The following SMC6 variants were observed in gnomAD, a reference collection of about 807,000 sequenced individuals.
The protein encoded by SMC6 is structural maintenance of chromosomes 6.
A neutral mutation model predicts 142.2 loss-of-function variants in SMC6; 79 were observed. That is an observed-to-expected ratio of 0.56 (90% CI 0.46 to 0.67). SMC6 has a LOEUF of 0.67. Among genes scored for constraint, SMC6 ranks in the 30% least tolerant of loss-of-function variants. The probability of loss-of-function intolerance (pLI) is 0.00; values close to 1 mark genes in which losing one functional copy is unlikely to be tolerated. For missense variants in SMC6, 1,072 were observed against 1,284.0 expected, an observed-to-expected ratio of 0.83 and a Z score of 2.52; for synonymous variants, 411 against 412.4, an observed-to-expected ratio of 1.00 and a Z score of 0.04.
At chr2:17,733,867 C>T (rs1437144302) in intron 5 of SMC6, among the ~76,000 whole-genome samples, 1 of 152,182 alleles carries the variant, frequency 6.6e-6, no homozygotes, top group Non-Finnish European at 1.5e-5. Flanking sequence ...ACACATACAC[C>T]TACAGACTAG....
At chr2:17,675,150 A>G (rs766466605) in intron 25 of SMC6, among the ~76,000 whole-genome samples, 1 of 152,002 alleles carries the variant, frequency 6.6e-6, no homozygotes, top group Non-Finnish European at 1.5e-5. Context: ...GTTAGCTTTA[A>G]AATTATACAT....
At chr2:17,696,539 G>A (rs1428862994) in intron 21 of SMC6, 113 bp from the exon 22 acceptor site, 24 of 1,052,524 alleles carry the variant, frequency 2.3e-5, no homozygotes, top group Non-Finnish European at 1.5e-5. Flanking sequence ...GAAGAGGCAA[G>A]TGTTATTATA....
At chr2:17,673,986 T>C (rs1666891708) in intron 25 of SMC6, among the ~76,000 whole-genome samples, 1 of 152,222 alleles carries the variant, frequency 6.6e-6, no homozygotes, top group South Asian at 2.1e-4. Context: ...ATATGTATGA[T>C]TTATGCACAC....
At chr2:17,705,685 T>C (rs908416614) in intron 18 of SMC6, among the ~76,000 whole-genome samples, 4 of 152,216 alleles carry the variant, frequency 2.6e-5, no homozygotes, top group South Asian at 4.1e-4. Flanking sequence ...TCTGAACATA[T>C]AGAATAAATT....
intron 3 of SMC6, 128 bp downstream of exon 3, chr2:17,745,699 C>G (rs1014825424): frequency 1.0e-6 from 1 of 954,536 alleles, no homozygotes; most frequent in Non-Finnish European, 1.4e-6. Flanking sequence ...TTACCCAGAA[C>G]AGATTTTACC....
In SMC6 at chr2:17,716,163, T is replaced by A; in HGVS notation, c.1448A>T (p.Asn483Ile). 2 of 1,612,552 alleles carry A rather than the reference T, an allele frequency of 1.2e-6. No individual in the cohort carries two copies. The highest frequency in any genetic ancestry group is 1.7e-6 in the Non-Finnish European group (2 of 1,179,580). ...KTDRLKRFGP[N>I]VPALLEAIDD... ...TATGGCTTCAAGAAGAGCTGGAACA[T>A]TAGGGCCAAATCTTTTGAGTCGATC... Residue 483 changes from asparagine (N) to isoleucine (I), a missense_variant, in exon 15 of 28, where the codon AAT becomes ATT. Around this residue, in one of 3 missense-constraint regions of SMC6, gnomAD observed 994 missense variants for 1,153.2 expected, o/e 0.86. Coordinates refer to ENST00000448223, the MANE Select transcript of SMC6 (RefSeq NM_001142286.2).
In SMC6 at chr2:17,716,263, TC is replaced by T; in HGVS notation, c.1347del (p.Arg450GlufsTer4). On this transcript the variant is annotated frameshift_variant and splice_region_variant, in exon 15 of 28. Transcript: ENST00000448223. LOFTEE classifies it high-confidence loss of function. ...EKDKEEHGKI[K>X]REELDVKHAL... is the part of the protein sequence containing the mutation. Reference sequence around the variant, plus strand: ...GCATGCTTCACATCTAATTCTTCTCTCCTAAAAAACAAAAGCAGAAAAACAG... The same window carrying T: ...GCATGCTTCACATCTAATTCTTCTCTCTAAAAAACAAAAGCAGAAAAACAG... The T allele has an allele frequency of 6.2e-7, 1 of 1,601,302 alleles. No homozygotes were observed. Among genetic ancestry groups the T allele is most frequent in the Non-Finnish European group, 8.5e-7 (1 of 1,176,412 alleles).
intron 16 of SMC6, among the ~76,000 whole-genome samples, chr2:17,711,200 G>A (rs1463080316): frequency 6.6e-6 from 1 of 152,074 alleles, no homozygotes; most frequent in Non-Finnish European, 1.5e-5. Context: ...AAAGCGCCAA[G>A]TCACAACTAC....
chr2:17,667,143 G>A (rs1262796005), intron 26 of SMC6, among the ~76,000 whole-genome samples: 1 of 152,196 alleles, frequency 6.6e-6, no homozygotes, highest in African/African-American at 2.4e-5. Flanking sequence ...AAATGTTAGA[G>A]AATAAATCTA....
chr2:17,710,335 G>A (rs1402725230), intron 16 of SMC6, among the ~76,000 whole-genome samples: 2 of 152,188 alleles, frequency 1.3e-5, no homozygotes, highest in African/African-American at 4.8e-5. Context: ...GGTGGAAATC[G>A]GGAGTATGGC....
chr2:17,692,454 C>A (rs957965091), intron 23 of SMC6, among the ~76,000 whole-genome samples: 1 of 152,042 alleles, frequency 6.6e-6, no homozygotes, highest in Non-Finnish European at 1.5e-5. Context: ...AAGAAATGGG[C>A]GAAGGATTCC....
At chr2:17,701,568 A>T (rs1311200868) in intron 20 of SMC6, among the ~76,000 whole-genome samples, 2 of 152,166 alleles carry the variant, frequency 1.3e-5, no homozygotes, top group Non-Finnish European at 2.9e-5. Context: ...TTAGAAATAC[A>T]ATTAAGTTTT....
At chr2:17,667,098 T>C (rs1409855692) in intron 26 of SMC6, among the ~76,000 whole-genome samples, 1 of 152,232 alleles carries the variant, frequency 6.6e-6, no homozygotes, top group African/African-American at 2.4e-5. Flanking sequence ...CGTGTAGCAA[T>C]TGAAATAATC....
chr2:17,696,250 G>A, intron 22 of SMC6, 39 bp downstream of exon 22: 2 of 1,570,264 alleles, frequency 1.3e-6, no homozygotes, highest in Non-Finnish European at 1.7e-6. Context: ...TCATGGCTAA[G>A]GCTGAAAACA....
chr2:17,735,134 T>C (rs1463006960), intron 5 of SMC6, among the ~76,000 whole-genome samples: 2 of 152,122 alleles, frequency 1.3e-5, no homozygotes, highest in Non-Finnish European at 2.9e-5. Flanking sequence ...AAAAAACCAC[T>C]TCTGCAGGAA....
At chr2:17,741,098 A>T (rs1171395452) in intron 4 of SMC6, among the ~76,000 whole-genome samples, 1 of 152,176 alleles carries the variant, frequency 6.6e-6, no homozygotes, top group Non-Finnish European at 1.5e-5. Flanking sequence ...TACTCCTCCA[A>T]ACCTTAGCTA....
intron 18 of SMC6, 106 bp downstream of exon 18, chr2:17,707,113 T>C: frequency 2.4e-6 from 2 of 839,388 alleles, no homozygotes; most frequent in Non-Finnish European, 3.4e-6. Context: ...CTGAGATAGA[T>C]TACTCACGTC....
At chr2:17,669,769 T>C (rs997188825) in intron 26 of SMC6, among the ~76,000 whole-genome samples, 14 of 152,086 alleles carry the variant, frequency 9.2e-5, no homozygotes, top group Non-Finnish European at 1.8e-4. Flanking sequence ...AGAAAATAAT[T>C]GCTAATTTAT....
chr2:17,720,866 G>T (rs1031274292), intron 11 of SMC6, 74 bp downstream of exon 11: 3 of 1,224,618 alleles, frequency 2.4e-6, no homozygotes, highest in African/African-American at 3.0e-5. Flanking sequence ...TGGTTTGGTG[G>T]GTCATAAATA....
Sources: allele counts gnomAD v4.1 joint callset (sites outside exome capture counted in the v4.1 genomes callset), GRCh38; gene constraint gnomAD v4.1.1; regional missense constraint gnomAD v4.1.1; transcripts MANE v1.5; gene names NCBI Gene and HGNC (gene_info 2026-07-23, HGNC 2026-07-21).